RNFT2: variants seen among roughly 807,000 people sequenced by gnomAD.
RNFT2 encodes the protein E3 ubiquitin-protein ligase RNFT2.
Under a neutral mutation model 53.0 loss-of-function variants are expected in RNFT2, and 36 were observed. That is an observed-to-expected ratio of 0.68 (90% CI 0.52 to 0.90). The LOEUF (loss-of-function observed/expected upper bound fraction) is 0.90. Ranked by LOEUF, RNFT2 falls within the 40% of genes least tolerant of loss-of-function variation. The pLI is 0.00. For missense variants in RNFT2, 514 were observed against 585.6 expected, an observed-to-expected ratio of 0.88 and a Z score of 1.26; for synonymous variants, 260 against 253.2, an observed-to-expected ratio of 1.03 and a Z score of -0.26.
Position 116,849,599 on chromosome 12 carries a change from G to A in RNFT2, c.*151G>A. On this transcript the variant is annotated 3_prime_UTR_variant, in exon 11 of 11. Coordinates refer to ENST00000257575, the MANE Select transcript of RNFT2 (RefSeq NM_001382266.1). Reference sequence around the variant, plus strand: ...GACCCCAAAGTCCCGCCCCTGTCTTGTCCTTCTGACCTTCATCTTCCTCTC... The same window carrying A: ...GACCCCAAAGTCCCGCCCCTGTCTTATCCTTCTGACCTTCATCTTCCTCTC... 1 of 1,407,434 alleles carries A rather than the reference G, an allele frequency of 7.1e-7. No homozygotes were observed. Among genetic ancestry groups the A allele is most frequent in the Non-Finnish European group, 9.3e-7 (1 of 1,079,112 alleles). The allele number at this position is 1,407,434 out of a possible 1,614,324, so 87.2% of individuals were successfully genotyped here. A position where few individuals can be genotyped will look rare whatever the true frequency, so the allele number is the denominator to read the frequency against.
chr12:116,768,394 C>A (rs980297563), intron 6 of RNFT2, among the ~76,000 whole-genome samples: 1 of 152,180 alleles, frequency 6.6e-6, no homozygotes, highest in African/African-American at 2.4e-5. Context: ...AGCCACCGCA[C>A]CCAGCCCAGT....
At chr12:116,824,287 G>A (rs1876207876) in intron 7 of RNFT2, among the ~76,000 whole-genome samples, 1 of 152,104 alleles carries the variant, frequency 6.6e-6, no homozygotes, top group Non-Finnish European at 1.5e-5. Flanking sequence ...AAAGCACAAG[G>A]CCATTTACTT....
chr12:116,772,702 A>G (rs997614375), intron 6 of RNFT2, among the ~76,000 whole-genome samples: 1 of 152,102 alleles, frequency 6.6e-6, no homozygotes, highest in African/African-American at 2.4e-5. Flanking sequence ...CTCTGCTAAC[A>G]TTTTTCTCTA....
chr12:116,849,775 C>CT lies in RNFT2; in HGVS notation c.*330dup, dbSNP rs1426832559. On this transcript the variant is annotated 3_prime_UTR_variant, in exon 11 of 11. Coordinates refer to ENST00000257575, the MANE Select transcript of RNFT2 (RefSeq NM_001382266.1). ...AGTTCCCACTTGTTGGTTATTTTCT[C>CT]TTTCTTTTTTCTTTTCTTTTCTTTC... The CT allele has an allele frequency of 3.6e-6, 4 of 1,104,776 alleles. No individual in the cohort carries two copies. 68.4% of individuals were successfully genotyped at this position (1,104,776 alleles called of 1,614,324 possible).
rs2137235060 is a variant in RNFT2 at position 116,852,936 on chromosome 12, A to C, written c.*3488A>C. On this transcript the variant is annotated 3_prime_UTR_variant, in exon 11 of 11. Coordinates refer to ENST00000257575, the MANE Select transcript of RNFT2 (RefSeq NM_001382266.1). Reference sequence around the variant, plus strand: ...CAAAACAATAAAACAAAATTCTCTAACACTGCAAAGAGTGAGCCATGCCTG... The same window carrying C: ...CAAAACAATAAAACAAAATTCTCTACCACTGCAAAGAGTGAGCCATGCCTG... 3.4e-6 allele frequency: 2 copies of C among 594,332 alleles called. No homozygotes were observed. Among genetic ancestry groups the C allele is most frequent in the Admixed American group, 3.0e-5 (1 of 33,376 alleles). The allele number at this position is 594,332 out of a possible 1,614,324, so 36.8% of individuals were successfully genotyped here.
At chr12:116,806,022 T>G (rs7134617) in intron 7 of RNFT2, among the ~76,000 whole-genome samples, 2,918 of 152,298 alleles carry the variant, frequency 0.019, 52 homozygotes, top group Middle Eastern at 0.034. Context: ...AAACTAAACA[T>G]ATAGTCCCCC....
chr12:116,803,813 C>T (rs1040592064), intron 7 of RNFT2, among the ~76,000 whole-genome samples: 2 of 152,210 alleles, frequency 1.3e-5, no homozygotes, highest in African/African-American at 4.8e-5. Flanking sequence ...CCACTGGAAC[C>T]TCAACATCAG....
chr12:116,748,745 G>A (rs2137070219), intron 3 of RNFT2: 1 of 427,554 alleles, frequency 2.3e-6, no homozygotes, highest in East Asian at 8.1e-5. Flanking sequence ...GGATCCCGAG[G>A]TAATTCTAGA....
intron 3 of RNFT2, chr12:116,748,581 A>G (rs957516078): frequency 4.9e-6 from 2 of 407,992 alleles, no homozygotes; most frequent in Non-Finnish European, 4.9e-6. Context: ...AGGCCCCTAG[A>G]ACAGGTGGAG....
intron 7 of RNFT2, among the ~76,000 whole-genome samples, chr12:116,814,734 A>G (rs776898350): frequency 1.1e-4 from 17 of 151,110 alleles, no homozygotes; most frequent in Non-Finnish European, 2.1e-4. Flanking sequence ...TGGAGTGTGC[A>G]GTGGTGCAAT....
chr12:116,790,051 A>T (rs1467377039), intron 7 of RNFT2, among the ~76,000 whole-genome samples: 4 of 152,100 alleles, frequency 2.6e-5, no homozygotes, highest in African/African-American at 9.7e-5. Context: ...AAGAGCTTGG[A>T]TTTCATTTTC....
chr12:116,819,089 A>G (rs1875849713), intron 7 of RNFT2, among the ~76,000 whole-genome samples: 1 of 152,176 alleles, frequency 6.6e-6, no homozygotes, highest in African/African-American at 2.4e-5. Context: ...ACAGCTCCAC[A>G]ACTTCCTTCA....
chr12:116,764,630 G>A (rs991527720), intron 5 of RNFT2, among the ~76,000 whole-genome samples: 2 of 152,188 alleles, frequency 1.3e-5, no homozygotes, highest in African/African-American at 2.4e-5. Flanking sequence ...AGTGGCTCAC[G>A]CCTATAATCC....
chr12:116,847,652 C>T (rs530448733), intron 10 of RNFT2, among the ~76,000 whole-genome samples: 3 of 151,944 alleles, frequency 2.0e-5, no homozygotes, highest in South Asian at 2.1e-4. Flanking sequence ...CTCAGCTTCC[C>T]GAGTAGCTGG....
intron 4 of RNFT2, 63 bp from the exon 5 acceptor site, chr12:116,753,921 C>A: frequency 7.6e-7 from 1 of 1,316,672 alleles, no homozygotes; most frequent in Non-Finnish European, 1.1e-6. Context: ...CCATGTTGCT[C>A]AGCACCTGGG....
At chr12:116,834,075 C>A in intron 8 of RNFT2, 134 bp downstream of exon 8, 1 of 670,498 alleles carries the variant, frequency 1.5e-6, no homozygotes, top group Non-Finnish European at 2.2e-6. Context: ...AGGGAAAATT[C>A]ATACGACATG....
Position 116,750,092 on chromosome 12 carries a change from CCCA to C in RNFT2, c.342_344del (p.His115del). The C allele has an allele frequency of 6.4e-7, 1 of 1,553,720 alleles. No individual in the cohort carries two copies. Among genetic ancestry groups the C allele is most frequent in the Non-Finnish European group, 8.7e-7 (1 of 1,154,580 alleles). On this transcript the variant is annotated inframe_deletion, in exon 4 of 11. Transcript: ENST00000257575. ...GGGGGCGCCTACCACCACCGCCAGC[CCCA>C]CCACCATTTCCACCATGGCGGCCAC...
At chr12:116,812,419 G>A (rs964614872) in intron 7 of RNFT2, among the ~76,000 whole-genome samples, 10 of 152,134 alleles carry the variant, frequency 6.6e-5, no homozygotes, top group African/African-American at 1.7e-4. Context: ...CCAGATTACC[G>A]CAGGTCCCTG....
At chr12:116,814,249 A>C (rs139865313) in intron 7 of RNFT2, among the ~76,000 whole-genome samples, 174 of 152,328 alleles carry the variant, frequency 1.1e-3, no homozygotes, top group African/African-American at 3.9e-3. Flanking sequence ...TACCAGGCCC[A>C]GGACTAGGTC....
Sources: allele counts gnomAD v4.1 joint callset (sites outside exome capture counted in the v4.1 genomes callset), GRCh38; gene constraint gnomAD v4.1.1; transcripts MANE v1.5; gene names NCBI Gene and HGNC (gene_info 2026-07-23, HGNC 2026-07-21).